ADARB1: variants seen among roughly 807,000 people sequenced by gnomAD.
The protein encoded by ADARB1 is double-stranded RNA-specific editase 1.
A neutral mutation model predicts 52.4 loss-of-function variants in ADARB1; 10 were observed. The ratio of observed to expected loss-of-function variants is 0.19; its 90% CI spans 0.12 to 0.32. The LOEUF (loss-of-function observed/expected upper bound fraction) is 0.32. ADARB1 is among the 10% of genes least tolerant of loss of function. The probability of loss-of-function intolerance (pLI) is 1.00; values close to 1 mark genes in which losing one functional copy is unlikely to be tolerated. For missense variants in ADARB1, 643 were observed against 922.3 expected, an observed-to-expected ratio of 0.70 and a Z score of 3.92; for synonymous variants, 349 against 371.1, an observed-to-expected ratio of 0.94 and a Z score of 0.68.
chr21:45,119,645 A>G (rs1260509081), intron 1 of ADARB1, among the ~76,000 whole-genome samples: 1 of 152,234 alleles, frequency 6.6e-6, no homozygotes, highest in Non-Finnish European at 1.5e-5. Flanking sequence ...AGTTAGTTAA[A>G]TTTCATATAC....
intron 2 of ADARB1, among the ~76,000 whole-genome samples, chr21:45,148,177 T>C (rs577253414): frequency 6.6e-6 from 1 of 152,216 alleles, no homozygotes; most frequent in East Asian, 1.9e-4. Context: ...CCCACTCACC[T>C]CCTCCTTGGT....
intron 1 of ADARB1, among the ~76,000 whole-genome samples, chr21:45,077,523 C>T (rs570779176): frequency 5.3e-5 from 8 of 151,974 alleles, no homozygotes; most frequent in African/African-American, 1.9e-4. Context: ...AAAAATCAGC[C>T]GGGCATGGTG....
In ADARB1 at chr21:45,221,047, T is replaced by C. The variant is rs1378981391; in HGVS notation, c.1926+33T>C. 6.4e-7 allele frequency: 1 copy of C among 1,574,588 alleles called. No individual in the cohort carries two copies. Among genetic ancestry groups the C allele is most frequent in the Non-Finnish European group, 8.6e-7 (1 of 1,157,862 alleles). ...GGCGCCCTCACCGCAATGCGCCGGC[T>C]CCACCTCCCCAATAGCTTGTCTGTC... On this transcript the variant is annotated intron_variant, in intron 10 of 10. Transcript: ENST00000348831. This position sits in a 1 kb window ranked among gnomAD's most constrained non-coding sequence, Gnocchi z 4.9.
Position 45,176,415 on chromosome 21 carries a change from G to A in ADARB1, c.714G>A (p.Met238Ile). The change falls in exon 4 of 11, where the codon ATG (methionine) becomes ATA (isoleucine). Residue 238 changes from methionine (M) to isoleucine (I), a missense_variant. Physicochemically the swap from Met to Ile is conservative, Grantham distance 10. Around this residue, in one of 2 missense-constraint regions of ADARB1, gnomAD observed 380 missense variants for 446.5 expected, o/e 0.85. Transcript: ENST00000348831. The surrounding 1 kb of genome is among the most constrained non-coding windows in gnomAD (Gnocchi z 5.8). Reference protein sequence around the residue: ...FPPPSGKNPVMILNELRPGLK... With the variant: ...FPPPSGKNPVIILNELRPGLK... Reference sequence around the variant, plus strand: ...CCCCGAGTGGGAAGAATCCCGTGATGATCTTGAACGAACTGCGCCCAGGAC... The same window carrying A: ...CCCCGAGTGGGAAGAATCCCGTGATAATCTTGAACGAACTGCGCCCAGGAC... 6.2e-7 allele frequency: 1 copy of A among 1,614,190 alleles called. No individual in the cohort carries two copies. Among genetic ancestry groups the A allele is most frequent in the Non-Finnish European group, 8.5e-7 (1 of 1,180,028 alleles).
intron 1 of ADARB1, among the ~76,000 whole-genome samples, chr21:45,102,447 A>G (rs1227173089): frequency 2.0e-5 from 3 of 152,202 alleles, no homozygotes; most frequent in African/African-American, 7.2e-5. Flanking sequence ...ATGTTCCATA[A>G]AACAGCATAT....
chr21:45,136,731 TC>T (rs1045510592), intron 2 of ADARB1, among the ~76,000 whole-genome samples: 1 of 152,166 alleles, frequency 6.6e-6, no homozygotes, highest in Admixed American at 6.5e-5. Context: ...CCTGCCGCTC[TC>T]CCCCAGGTTG....
chr21:45,149,347 G>A (rs2090166417), intron 2 of ADARB1, among the ~76,000 whole-genome samples: 1 of 152,238 alleles, frequency 6.6e-6, no homozygotes, highest in South Asian at 2.1e-4. Context: ...CTTGTGCACA[G>A]CATCTGGGGG....
chr21:45,160,994 G>A (rs1171845789), intron 2 of ADARB1, among the ~76,000 whole-genome samples: 1 of 152,222 alleles, frequency 6.6e-6, no homozygotes, highest in Non-Finnish European at 1.5e-5. Flanking sequence ...TGCTTTATAG[G>A]ATTTATACTG....
chr21:45,183,316 C>G (rs2091991413), intron 6 of ADARB1, 46 bp from the exon 7 acceptor site: 1 of 1,528,208 alleles, frequency 6.5e-7, no homozygotes. Context: ...TAAAATTTAA[C>G]TATATACAGC....
intron 9 of ADARB1, among the ~76,000 whole-genome samples, chr21:45,217,384 G>T (rs1270725238): frequency 6.6e-6 from 1 of 151,892 alleles, no homozygotes; most frequent in Admixed American, 6.6e-5. Context: ...TTAATTTGGT[G>T]GTGGTTTTTA....
At chr21:45,179,548 A>C (rs182311361) in intron 4 of ADARB1, among the ~76,000 whole-genome samples, 1 of 152,344 alleles carries the variant, frequency 6.6e-6, no homozygotes, top group East Asian at 1.9e-4. Flanking sequence ...ACCATGTCCA[A>C]AATCCAACAA....
Position 45,087,789 on chromosome 21 carries a change from G to A in ADARB1, c.-220+12996G>A, listed in dbSNP as rs577936346. The stretch of plus-strand genomic sequence containing the variant: ...ACACATCTCACTGTAGTACAAAGCG[G>A]CAGGGCCACAGCAAAGGGGGTGGAA... On this transcript the variant is annotated intron_variant, in intron 1 of 10. Transcript: ENST00000348831. 2.6e-5 allele frequency among the ~76,000 whole-genome samples: 4 copies of A among 152,348 alleles called. No individual in the cohort carries two copies. The South Asian group carries it at 8.3e-4, about 32-fold the overall frequency.
At chr21:45,087,072 T>C (rs2086374439) in intron 1 of ADARB1, among the ~76,000 whole-genome samples, 2 of 152,142 alleles carry the variant, frequency 1.3e-5, no homozygotes, top group African/African-American at 4.8e-5. Context: ...AGCAGATGAG[T>C]TCTTACCGGG....
rs1228369404 is a variant in ADARB1, at chr21:45,175,839, T to A, written c.138T>A (p.Gly46=). 2 of 1,613,980 alleles carry A rather than the reference T, an allele frequency of 1.2e-6. No individual in the cohort carries two copies. Among genetic ancestry groups the A allele is most frequent in the Non-Finnish European group, 1.7e-6 (2 of 1,179,972 alleles). ...GCTCTCAGCTCTCCAATGGGGGTGG[T>A]GGTGGCCCCGGCAGAAAGCGGCCCC... ...GEGSQLSNGG[G]GGPGRKRPLE... is the part of the protein sequence containing the mutation. Residue 46 remains glycine (G), a synonymous_variant, in exon 4 of 11, where the codon GGT becomes GGA. Coordinates refer to ENST00000348831, the MANE Select transcript of ADARB1 (RefSeq NM_001112.4).
intron 8 of ADARB1, among the ~76,000 whole-genome samples, chr21:45,189,250 A>G (rs540743949): frequency 1.4e-4 from 21 of 151,070 alleles, no homozygotes; most frequent in African/African-American, 4.6e-4. Flanking sequence ...CTTTTTGTGT[A>G]TATTCTACAG....
intron 6 of ADARB1, among the ~76,000 whole-genome samples, chr21:45,182,957 G>A (rs751293435): frequency 1.3e-5 from 2 of 152,022 alleles, no homozygotes; most frequent in African/African-American, 2.4e-5. Context: ...AACATAACAT[G>A]GTCATAAATT....
At chr21:45,175,277 G>A (rs1284664621) in intron 3 of ADARB1, among the ~76,000 whole-genome samples, 1 of 152,078 alleles carries the variant, frequency 6.6e-6, no homozygotes, top group Admixed American at 6.6e-5. Flanking sequence ...GATAGCATGA[G>A]GGTAAACAAC....
At chr21:45,124,771 GTGTGTGTGTGTGTGTA>G (rs1205680388) in intron 1 of ADARB1, among the ~76,000 whole-genome samples, 9 of 104,172 alleles carry the variant, frequency 8.6e-5, no homozygotes, top group East Asian at 2.3e-4. Context: ...TAAATGGTGT[GTGTGTGTGTGTGTGTA>G]TGTGTGTGTG....
chr21:45,130,162 T>A (rs2088842127), intron 2 of ADARB1, among the ~76,000 whole-genome samples: 1 of 152,194 alleles, frequency 6.6e-6, no homozygotes, highest in Non-Finnish European at 1.5e-5. Flanking sequence ...GACGTTGTGG[T>A]TTAATATTGC....
Sources: allele counts gnomAD v4.1 joint callset (sites outside exome capture counted in the v4.1 genomes callset), GRCh38; gene constraint gnomAD v4.1.1; regional missense constraint gnomAD v4.1.1; non-coding constraint Gnocchi (gnomAD v3.1); transcripts MANE v1.5; gene names NCBI Gene and HGNC (gene_info 2026-07-23, HGNC 2026-07-21).